Variants in GALNT13 observed in about 807,000 individuals in gnomAD.
GALNT13 encodes UDP-GalNAc:polypeptide N-acetylgalactosaminyltransferase 13.
Under a neutral mutation model 64.2 loss-of-function variants are expected in GALNT13, and 28 were observed. The observed-to-expected ratio is 0.44, with a 90% CI of 0.32 to 0.60. The LOEUF (loss-of-function observed/expected upper bound fraction) is 0.60. Among genes scored for constraint, GALNT13 ranks in the 20% least tolerant of loss-of-function variants. GALNT13 has a pLI of 0.05. For missense variants in GALNT13, 577 were observed against 669.8 expected (o/e 0.86, Z 1.53); for synonymous variants, 214 against 224.6 (o/e 0.95, Z 0.42).
the GALNT13 span, among the ~76,000 whole-genome samples, chr2:153,609,171 A>G: frequency 6.6e-6 from 1 of 151,646 alleles, no homozygotes; most frequent in Non-Finnish European, 1.5e-5. Flanking sequence ...TGAACTTGTG[A>G]GCCTGCCTCA....
chr2:153,572,141 G>T, the GALNT13 span, among the ~76,000 whole-genome samples: 1 of 151,434 alleles, frequency 6.6e-6, no homozygotes, highest in South Asian at 2.1e-4. Flanking sequence ...GGTATATTCA[G>T]GTTTCAGAGT....
chr2:154,345,570 G>A (rs1244201762), intron 9 of GALNT13, among the ~76,000 whole-genome samples: 6 of 151,832 alleles, frequency 4.0e-5, no homozygotes, highest in African/African-American at 9.7e-5. Context: ...GTAATTATTC[G>A]GACAGCACAC....
chr2:153,301,938 A>G, the GALNT13 span, among the ~76,000 whole-genome samples: 3 of 149,598 alleles, frequency 2.0e-5, no homozygotes, highest in South Asian at 2.1e-4. Context: ...TTCTTTATCT[A>G]TTCCTTTGCT....
At chr2:154,145,100 C>CTATATATATATATA (rs1553484442) in intron 4 of GALNT13, among the ~76,000 whole-genome samples, 5 of 119,522 alleles carry the variant, frequency 4.2e-5, no homozygotes, top group Admixed American at 9.0e-5. Context: ...ATCTATCTAT[C>CTATATATATATATA]TATATATATA....
the GALNT13 span, among the ~76,000 whole-genome samples, chr2:153,778,762 C>T: frequency 1.3e-5 from 2 of 152,150 alleles, no homozygotes; most frequent in Admixed American, 1.3e-4. Context: ...TAAATTTAAG[C>T]AGTACAAGTG....
intron 4 of GALNT13, among the ~76,000 whole-genome samples, chr2:154,179,006 T>C (rs1025978448): frequency 5.9e-5 from 9 of 152,204 alleles, no homozygotes; most frequent in African/African-American, 2.2e-4. Flanking sequence ...CTCTCAGTTT[T>C]TTCTTACTGA....
At chr2:153,718,577 C>T in the GALNT13 span, among the ~76,000 whole-genome samples, 31 of 152,110 alleles carry the variant, frequency 2.0e-4, no homozygotes, top group Admixed American at 1.6e-3. Context: ...GATGGGGCTT[C>T]TGGTGGCCCA....
chr2:153,740,646 T>G, the GALNT13 span, among the ~76,000 whole-genome samples: 3 of 152,086 alleles, frequency 2.0e-5, no homozygotes, highest in Admixed American at 2.0e-4. Context: ...GTCTGTTTCC[T>G]TTTTTTGTGG....
the GALNT13 span, among the ~76,000 whole-genome samples, chr2:153,642,656 G>A: frequency 1.3e-5 from 2 of 151,862 alleles, no homozygotes; most frequent in South Asian, 2.1e-4. Context: ...TATGAAGAGA[G>A]ATTTCATAGC....
the GALNT13 span, among the ~76,000 whole-genome samples, chr2:153,476,196 C>A: frequency 6.6e-6 from 1 of 152,144 alleles, no homozygotes; most frequent in Non-Finnish European, 1.5e-5. Flanking sequence ...TACTTGAGAG[C>A]GAAATGGACA....
At chr2:154,372,771 T>C (rs1405856824) in intron 9 of GALNT13, among the ~76,000 whole-genome samples, 1 of 152,080 alleles carries the variant, frequency 6.6e-6, no homozygotes, top group East Asian at 1.9e-4. Flanking sequence ...CTTTTTATTC[T>C]TCCCTTTCAG....
chr2:153,217,203 T>A, the GALNT13 span, among the ~76,000 whole-genome samples: 1 of 152,118 alleles, frequency 6.6e-6, no homozygotes, highest in African/African-American at 2.4e-5. Flanking sequence ...AGTCTATCTT[T>A]GTAACAAAAC....
the GALNT13 span, among the ~76,000 whole-genome samples, chr2:153,275,045 T>TACCTGTTAGATGTGAAC: frequency 6.6e-6 from 1 of 152,226 alleles, no homozygotes; most frequent in Non-Finnish European, 1.5e-5. Flanking sequence ...AATATGTGAA[T>TACCTGTTAGATGTGAAC]ACCTGTTAGA....
intron 3 of GALNT13, among the ~76,000 whole-genome samples, chr2:154,055,839 C>G (rs924173869): frequency 1.3e-5 from 2 of 152,004 alleles, no homozygotes; most frequent in African/African-American, 2.4e-5. Context: ...GTGGCTTAAC[C>G]AGAGCAAAGG....
At chr2:153,225,682 A>G in the GALNT13 span, among the ~76,000 whole-genome samples, 2 of 152,220 alleles carry the variant, frequency 1.3e-5, no homozygotes, top group Admixed American at 1.3e-4. Flanking sequence ...ATATGTCAGC[A>G]ATAAACAATT....
chr2:153,855,619 C>G, the GALNT13 span, among the ~76,000 whole-genome samples: 1 of 152,078 alleles, frequency 6.6e-6, no homozygotes, highest in Admixed American at 6.5e-5. Flanking sequence ...AAATTGTAAA[C>G]CTCATACATT....
chr2:154,320,846 T>C (rs1694585225), intron 9 of GALNT13, among the ~76,000 whole-genome samples: 2 of 152,198 alleles, frequency 1.3e-5, no homozygotes, highest in Non-Finnish European at 2.9e-5. Context: ...AAAATGCTAA[T>C]TGACAATGAA....
At chr2:153,620,105 T>G in the GALNT13 span, among the ~76,000 whole-genome samples, 1 of 152,042 alleles carries the variant, frequency 6.6e-6, no homozygotes, top group Non-Finnish European at 1.5e-5. Context: ...TTTGAGGCTA[T>G]TTTTTAATAT....
At chr2:153,437,865 CATT>C in the GALNT13 span, among the ~76,000 whole-genome samples, 2 of 152,144 alleles carry the variant, frequency 1.3e-5, no homozygotes, top group African/African-American at 2.4e-5. Flanking sequence ...TTGATCCTGT[CATT>C]ATGATGTTAG....
Sources: gnomAD v4.1 joint callset for allele counts (sites outside exome capture counted in the v4.1 genomes callset) on GRCh38, gnomAD v4.1.1 for gene constraint, MANE v1.5 for transcripts, NCBI Gene and HGNC (gene_info 2026-07-23, HGNC 2026-07-21) for gene names.